The following MYO16 variants were observed in gnomAD, a reference collection of about 807,000 sequenced individuals.
The protein encoded by MYO16 is unconventional myosin-XVI.
In MYO16, 94 loss-of-function variants were observed where a neutral mutation model predicts 205.3. The ratio of observed to expected loss-of-function variants is 0.46; its 90% CI spans 0.39 to 0.54. MYO16 has a LOEUF of 0.54. Ranked by LOEUF, MYO16 falls within the 20% of genes least tolerant of loss-of-function variation. The pLI is 0.00. For missense variants in MYO16, 2,315 were observed against 2,387.5 expected, an observed-to-expected ratio of 0.97 and a Z score of 0.63; for synonymous variants, 988 against 954.0, an observed-to-expected ratio of 1.04 and a Z score of -0.66.
chr13:109,066,203 G>A lies in MYO16; in HGVS notation c.3335+10608G>A, dbSNP rs184470944. ...TGGCTACCCAATGAGGCAGACCCTC[G>A]CTAGAGAAACAGCCTGTGCTGGAGT... On this transcript the variant is annotated intron_variant, in intron 27 of 34. Transcript: ENST00000457511. Among the ~76,000 whole-genome samples the A allele has an allele frequency of 1.9e-3, 289 of 152,302 alleles. 2 individuals carry two copies. The highest frequency in any genetic ancestry group is 6.0e-3 in the African/African-American group (249 of 41,560).
chr13:108,885,563 G>T (rs1044329889), intron 13 of MYO16, among the ~76,000 whole-genome samples: 2 of 152,172 alleles, frequency 1.3e-5, no homozygotes, highest in African/African-American at 4.8e-5. Flanking sequence ...TTTAAAAGTT[G>T]CTTAGAAAAA....
intron 27 of MYO16, among the ~76,000 whole-genome samples, chr13:109,088,816 G>C (rs1469634621): frequency 6.6e-6 from 1 of 152,176 alleles, no homozygotes; most frequent in Non-Finnish European, 1.5e-5. Flanking sequence ...CAGCAGCCTG[G>C]CCATGGCCAG....
intron 31 of MYO16, among the ~76,000 whole-genome samples, chr13:109,138,952 G>T (rs1469713798): frequency 1.3e-5 from 2 of 152,072 alleles, no homozygotes; most frequent in Non-Finnish European, 2.9e-5. Context: ...CCGAGTAGCT[G>T]GGACTACAGG....
At chr13:109,097,145 C>T (rs748941047) in intron 27 of MYO16, among the ~76,000 whole-genome samples, 22 of 152,188 alleles carry the variant, frequency 1.4e-4, no homozygotes, top group Non-Finnish European at 2.8e-4. Flanking sequence ...GCCTGGCCAA[C>T]ATGTGAAACC....
chr13:109,162,075 A>ACTC lies in MYO16; in HGVS notation c.5165-2825_5165-2823dup, dbSNP rs936826681. Among the ~76,000 whole-genome samples the ACTC allele has an allele frequency of 6.6e-6, 1 of 152,140 alleles. No homozygotes were observed. Among genetic ancestry groups the ACTC allele is most frequent in the Non-Finnish European group, 1.5e-5 (1 of 68,024 alleles). ...TCCAGCCTGGGCAACAGAGTGAGAG[A>ACTC]CTCTGCCTCAAAAAACAAAACAAAG... On this transcript the variant is annotated intron_variant, in intron 32 of 34. Transcript: ENST00000457511. This position sits in a 1 kb window ranked among gnomAD's most constrained non-coding sequence, Gnocchi z 4.6.
chr13:108,496,219 G>T, the MYO16 span, among the ~76,000 whole-genome samples: 1 of 152,190 alleles, frequency 6.6e-6, no homozygotes, highest in African/African-American at 2.4e-5. Context: ...GCTGGGAGTA[G>T]AAGCCTTCTG....
Position 108,834,464 on chromosome 13 carries a change from C to G in MYO16, c.1098-9879C>G, listed in dbSNP as rs948199275. Among the ~76,000 whole-genome samples the G allele has an allele frequency of 2.0e-5, 3 of 152,078 alleles. No homozygotes were observed. The East Asian group carries it at 5.8e-4, about 29-fold the overall frequency. On this transcript the variant is annotated intron_variant, in intron 9 of 34. Coordinates refer to ENST00000457511, the MANE Select transcript of MYO16 (RefSeq NM_001198950.3). ...GAGAAAAAAATTGCAGTTCAGTTTTCTAAAGACATTGCTCCAAGAAAAGGG... is the reference window on the plus strand; with the variant it reads ...GAGAAAAAAATTGCAGTTCAGTTTTGTAAAGACATTGCTCCAAGAAAAGGG...
At chr13:109,070,600 G>C (rs1372995549) in intron 27 of MYO16, among the ~76,000 whole-genome samples, 1 of 152,106 alleles carries the variant, frequency 6.6e-6, no homozygotes, top group African/African-American at 2.4e-5. Flanking sequence ...ATGATCCCAG[G>C]TTTTGACATT....
chr13:108,670,695 C>T (rs999775083), intron 2 of MYO16, among the ~76,000 whole-genome samples: 3 of 152,184 alleles, frequency 2.0e-5, no homozygotes, highest in African/African-American at 7.2e-5. Context: ...AATGGTTCGG[C>T]ATGGACTCAC....
At chr13:109,193,907 A>G (rs1880035586) in intron 34 of MYO16, among the ~76,000 whole-genome samples, 1 of 152,088 alleles carries the variant, frequency 6.6e-6, no homozygotes, top group Non-Finnish European at 1.5e-5. Context: ...TTGTTATACC[A>G]CTCAACTCAA....
At chr13:108,632,693 G>C (rs1566516659) in intron 1 of MYO16, among the ~76,000 whole-genome samples, 1 of 152,112 alleles carries the variant, frequency 6.6e-6, no homozygotes, top group South Asian at 2.1e-4. Context: ...GAAAGTGTAG[G>C]AACACCACAG....
chr13:108,835,093 T>TG (rs1876836007), intron 9 of MYO16, among the ~76,000 whole-genome samples: 2 of 152,184 alleles, frequency 1.3e-5, no homozygotes, highest in African/African-American at 4.8e-5. Context: ...TTAGAATTTT[T>TG]TTTTTCTTAT....
intron 34 of MYO16, among the ~76,000 whole-genome samples, chr13:109,195,031 A>G (rs2139954644): frequency 6.6e-6 from 1 of 151,984 alleles, no homozygotes; most frequent in Non-Finnish European, 1.5e-5. Flanking sequence ...AGAGGTTAAA[A>G]TCAGCTGCCA....
chr13:108,898,351 A>AGTGTGTGTGTGTGTGTGTGTGTGTGTGT (rs3042037), intron 15 of MYO16, among the ~76,000 whole-genome samples: 1 of 144,992 alleles, frequency 6.9e-6, no homozygotes. Flanking sequence ...AGGGTGTGTG[A>AGTGTGTGTGTGTGTGTGTGTGTGTGTGT]GTGTGTGTGT....
At position 108,629,612 on chromosome 13, in the gene MYO16, C is replaced by A; in HGVS notation, c.-233C>A. 1 of 484,586 alleles carries A rather than the reference C, an allele frequency of 2.1e-6. No individual in the cohort carries two copies. 30.0% of individuals were successfully genotyped at this position (484,586 alleles called of 1,614,324 possible). On this transcript the variant is annotated 5_prime_UTR_variant, in exon 1 of 35. Transcript: ENST00000457511. ...CAAGGGTGCTACAATAGCACGTGCA[C>A]CAGTGGTGCCTCAAGACCCACCGGG...
intron 20 of MYO16, among the ~76,000 whole-genome samples, chr13:108,973,447 C>T (rs537040670): frequency 6.6e-6 from 1 of 152,274 alleles, no homozygotes; most frequent in South Asian, 2.1e-4. Flanking sequence ...ATAATTTTTG[C>T]ATCTTACCAC....
At chr13:108,719,472 G>A (rs1209829120) in intron 3 of MYO16, among the ~76,000 whole-genome samples, 2 of 151,880 alleles carry the variant, frequency 1.3e-5, no homozygotes, top group Admixed American at 6.6e-5. Flanking sequence ...CTACCGAGAC[G>A]GGCCAGCAGC....
intron 23 of MYO16, among the ~76,000 whole-genome samples, chr13:109,028,188 T>C (rs955046792): frequency 2.0e-5 from 3 of 150,968 alleles, no homozygotes; most frequent in African/African-American, 7.3e-5. Context: ...GTGGAAGGTA[T>C]GTGCAGAAAA....
Position 109,181,913 on chromosome 13 carries a change from C to T in MYO16, c.5415+2280C>T, listed in dbSNP as rs141847560. ...TCAGCTCACTGCAACCTCCACCTCC[C>T]GGTTCAAGTGATTCTCCTATCTCAG... On this transcript the variant is annotated intron_variant, in intron 34 of 34. Coordinates refer to ENST00000457511, the MANE Select transcript of MYO16 (RefSeq NM_001198950.3). 3.2e-3 allele frequency among the ~76,000 whole-genome samples: 472 copies of T among 147,894 alleles called. 4 individuals carry two copies. Among genetic ancestry groups the T allele is most frequent in the African/African-American group, 0.011 (447 of 39,902 alleles).
Sources: gnomAD v4.1 joint callset for allele counts (sites outside exome capture counted in the v4.1 genomes callset) on GRCh38, gnomAD v4.1.1 for gene constraint, Gnocchi (gnomAD v3.1) non-coding constraint, MANE v1.5 for transcripts, NCBI Gene and HGNC (gene_info 2026-07-23, HGNC 2026-07-21) for gene names.